SLC24A3: variants seen among roughly 807,000 people sequenced by gnomAD.
The protein encoded by SLC24A3 is sodium/potassium/calcium exchanger 3.
In SLC24A3, 28 loss-of-function variants were observed where a neutral mutation model predicts 75.8. The observed-to-expected ratio is 0.37, with a 90% CI of 0.27 to 0.51. The LOEUF is 0.51. SLC24A3 is among the 20% of genes least tolerant of loss of function. The pLI is 0.94. For missense variants in SLC24A3, 663 were observed against 847.8 expected, an observed-to-expected ratio of 0.78 and a Z score of 2.71; for synonymous variants, 372 against 334.1, an observed-to-expected ratio of 1.11 and a Z score of -1.24.
At chr20:19,454,383 A>G (rs1187999061) in intron 2 of SLC24A3, among the ~76,000 whole-genome samples, 1 of 152,330 alleles carries the variant, frequency 6.6e-6, no homozygotes, top group Admixed American at 6.5e-5. Context: ...GTTCAGGACA[A>G]TGAAATAGAT....
rs147141132 is a variant in SLC24A3 at position 19,515,061 on chromosome 20, G to A, written c.272-427G>A. ...AAGCAGTTTTCAATGCATGCATGCA[G>A]CAAAGTACATAAGGTTACACATGGA... On this transcript the variant is annotated intron_variant, in intron 2 of 16. Transcript: ENST00000328041. Among the ~76,000 whole-genome samples, 507 of 152,342 alleles carry A rather than the reference G, an allele frequency of 3.3e-3. 6 individuals carry two copies. The highest frequency in any genetic ancestry group is 0.027 in the South Asian group (129 of 4,828).
At chr20:19,392,612 G>A (rs906006551) in intron 2 of SLC24A3, among the ~76,000 whole-genome samples, 3 of 152,126 alleles carry the variant, frequency 2.0e-5, no homozygotes, top group African/African-American at 4.8e-5. Flanking sequence ...TGGCTCCCAT[G>A]GTAATGATAT....
At chr20:19,613,712 G>A (rs376190374) in intron 6 of SLC24A3, among the ~76,000 whole-genome samples, 3 of 152,190 alleles carry the variant, frequency 2.0e-5, no homozygotes, top group African/African-American at 7.2e-5. Flanking sequence ...CAGACCTGGA[G>A]GATATTATTC....
At chr20:19,511,430 C>G (rs921534864) in intron 2 of SLC24A3, among the ~76,000 whole-genome samples, 1 of 152,042 alleles carries the variant, frequency 6.6e-6, no homozygotes, top group East Asian at 1.9e-4. Flanking sequence ...CAGGTTCACG[C>G]CATTCTCCTG....
chr20:19,260,981 C>CT (rs570380916), intron 1 of SLC24A3, among the ~76,000 whole-genome samples: 127 of 152,314 alleles, frequency 8.3e-4, no homozygotes, highest in African/African-American at 3.0e-3. Context: ...TCAGGGTTGC[C>CT]TTGGAAGCAG....
intron 2 of SLC24A3, among the ~76,000 whole-genome samples, chr20:19,393,680 C>T (rs1042754096): frequency 6.6e-6 from 1 of 152,036 alleles, no homozygotes; most frequent in Non-Finnish European, 1.5e-5. Flanking sequence ...CCATTCAAAA[C>T]TACAAAATGT....
chr20:19,383,357 T>G (rs1986217268), intron 2 of SLC24A3, among the ~76,000 whole-genome samples: 1 of 152,228 alleles, frequency 6.6e-6, no homozygotes, highest in African/African-American at 2.4e-5. Flanking sequence ...ACTGTTTCCT[T>G]TAACAGTCTT....
intron 3 of SLC24A3, among the ~76,000 whole-genome samples, chr20:19,528,310 G>T (rs186578768): frequency 6.6e-6 from 1 of 152,074 alleles, no homozygotes; most frequent in Non-Finnish European, 1.5e-5. Context: ...AGCCATCAGC[G>T]CTCCCACTCA....
At chr20:19,388,304 A>G (rs1027633914) in intron 2 of SLC24A3, among the ~76,000 whole-genome samples, 1 of 152,220 alleles carries the variant, frequency 6.6e-6, no homozygotes, top group African/African-American at 2.4e-5. Flanking sequence ...TGTATTTAAA[A>G]TTGCTGTATC....
chr20:19,441,054 A>G (rs1987290393), intron 2 of SLC24A3, among the ~76,000 whole-genome samples: 1 of 152,174 alleles, frequency 6.6e-6, no homozygotes, highest in Non-Finnish European at 1.5e-5. Flanking sequence ...CATGTTTCAG[A>G]CAAGATTGTG....
chr20:19,603,320 G>A (rs892799153), intron 6 of SLC24A3, among the ~76,000 whole-genome samples: 2 of 152,070 alleles, frequency 1.3e-5, no homozygotes, highest in African/African-American at 4.8e-5. Flanking sequence ...CTCAGCAGGG[G>A]GTGATGGCAT....
At chr20:19,678,259 G>T (rs1197406115) in intron 9 of SLC24A3, among the ~76,000 whole-genome samples, 9 of 149,052 alleles carry the variant, frequency 6.0e-5, no homozygotes, top group Non-Finnish European at 1.3e-4. Context: ...GGGCAGAGGG[G>T]CTCCTCACTT....
intron 3 of SLC24A3, among the ~76,000 whole-genome samples, chr20:19,526,594 C>A (rs950853151): frequency 6.6e-6 from 1 of 152,162 alleles, no homozygotes; most frequent in Admixed American, 6.5e-5. Context: ...ACCAGATCAG[C>A]CCTTGAGAGC....
At chr20:19,715,591 ATC>A (rs2033036734) in intron 15 of SLC24A3, among the ~76,000 whole-genome samples, 1 of 152,156 alleles carries the variant, frequency 6.6e-6, no homozygotes, top group South Asian at 2.1e-4. Flanking sequence ...ATTAAGTCAC[ATC>A]TTCACAGAAA....
intron 6 of SLC24A3, among the ~76,000 whole-genome samples, chr20:19,617,471 G>A (rs150388697): frequency 1.0e-3 from 158 of 152,250 alleles, no homozygotes; most frequent in African/African-American, 3.7e-3. Flanking sequence ...GACTCAAAGC[G>A]GCAGGGCTTT....
chr20:19,468,316 G>A (rs1028226743), intron 2 of SLC24A3, among the ~76,000 whole-genome samples: 1 of 152,128 alleles, frequency 6.6e-6, no homozygotes, highest in Non-Finnish European at 1.5e-5. Context: ...TAGAAAGGGA[G>A]ATGTTAATGT....
At chr20:19,315,663 G>A (rs141886623) in intron 2 of SLC24A3, among the ~76,000 whole-genome samples, 1 of 152,330 alleles carries the variant, frequency 6.6e-6, no homozygotes, top group East Asian at 1.9e-4. Context: ...GAACACAGGT[G>A]CTGGTGACTT....
At chr20:19,534,422 T>TTGTTG (rs2030359285) in intron 3 of SLC24A3, among the ~76,000 whole-genome samples, 1 of 147,790 alleles carries the variant, frequency 6.8e-6, no homozygotes, top group Admixed American at 6.9e-5. Flanking sequence ...TTGTTTTGTT[T>TTGTTG]TGTTTTGTGA....
chr20:19,337,774 G>A (rs1044970069), intron 2 of SLC24A3, among the ~76,000 whole-genome samples: 17 of 152,186 alleles, frequency 1.1e-4, no homozygotes, highest in African/African-American at 3.9e-4. Flanking sequence ...TGGTTGCTGA[G>A]CTTGTTCATG....
Sources: allele counts gnomAD v4.1 joint callset (sites outside exome capture counted in the v4.1 genomes callset), GRCh38; gene constraint gnomAD v4.1.1; transcripts MANE v1.5; gene names NCBI Gene and HGNC (gene_info 2026-07-23, HGNC 2026-07-21).